The following BCR variants were observed in gnomAD, a reference collection of about 807,000 sequenced individuals.
BCR encodes breakpoint cluster region protein.
In BCR, 58 loss-of-function variants were observed where a neutral mutation model predicts 138.6. The observed-to-expected ratio is 0.42, with a 90% CI of 0.34 to 0.52. The LOEUF is 0.52. BCR is among the 20% of genes least tolerant of loss of function. The probability of loss-of-function intolerance (pLI) is 0.06; values close to 1 mark genes in which losing one functional copy is unlikely to be tolerated. For missense variants in BCR, 1,599 were observed against 1,727.2 expected (o/e 0.93, Z 1.32); for synonymous variants, 786 against 730.1 (o/e 1.08, Z -1.23).
chr22:23,262,997 C>T (rs376163728), intron 4 of BCR: 18 of 861,086 alleles, frequency 2.1e-5, no homozygotes, highest in Admixed American at 3.8e-5. Flanking sequence ...GCGTAGGGGC[C>T]GGGAAAGAGG....
intron 1 of BCR, among the ~76,000 whole-genome samples, chr22:23,192,471 G>A (rs994504902): frequency 1.3e-5 from 2 of 152,258 alleles, no homozygotes; most frequent in Non-Finnish European, 2.9e-5. Context: ...CAGCAGGTCG[G>A]CTTTGGTCTG....
chr22:23,263,657 G>GAGATGGGA, intron 4 of BCR: 1 of 1,451,108 alleles, frequency 6.9e-7, no homozygotes, highest in Non-Finnish European at 9.7e-7. Context: ...AGTGCAGGAG[G>GAGATGGGA]AGATGGGAAG....
intron 1 of BCR, among the ~76,000 whole-genome samples, chr22:23,238,602 C>G (rs1984306032): frequency 6.6e-6 from 1 of 152,248 alleles, no homozygotes. Flanking sequence ...CTTGCAGAGG[C>G]CTGGGGATTC....
In BCR at chr22:23,181,485, C is replaced by A; in HGVS notation, c.525C>A (p.Pro175=). 1 of 1,611,830 alleles carries A rather than the reference C, an allele frequency of 6.2e-7. No homozygotes were observed. Among genetic ancestry groups the A allele is most frequent in the Non-Finnish European group, 8.5e-7 (1 of 1,179,112 alleles). Residue 175 remains proline (P), a synonymous_variant, in exon 1 of 23, where the codon CCC becomes CCA. Coordinates refer to ENST00000305877, the MANE Select transcript of BCR (RefSeq NM_004327.4). The part of the protein sequence containing the change: ...HGQPGADAEK[P]FYVNVEFHHE... Reference sequence around the variant, plus strand: ...AGCCCGGGGCGGACGCCGAGAAGCCCTTCTACGTGAACGTCGAGTTTCACC... The same window carrying A: ...AGCCCGGGGCGGACGCCGAGAAGCCATTCTACGTGAACGTCGAGTTTCACC...
At chr22:23,200,593 T>C (rs1043137810) in intron 1 of BCR, among the ~76,000 whole-genome samples, 1 of 152,186 alleles carries the variant, frequency 6.6e-6, no homozygotes, top group African/African-American at 2.4e-5. Flanking sequence ...GGTCTCACTC[T>C]GTCGCCCAGG....
intron 5 of BCR, 137 bp from the exon 6 acceptor site, chr22:23,271,395 G>A: frequency 1.2e-6 from 1 of 863,632 alleles, no homozygotes; most frequent in South Asian, 1.6e-5. Context: ...CACACCCTGT[G>A]ACTTCATTAT....
chr22:23,226,239 C>T (rs2072891389), intron 1 of BCR, among the ~76,000 whole-genome samples: 1 of 152,122 alleles, frequency 6.6e-6, no homozygotes, highest in African/African-American at 2.4e-5. Flanking sequence ...TGTGAGCTTT[C>T]CCGTCAGAAA....
At chr22:23,215,006 G>GC (rs1373627989) in intron 1 of BCR, among the ~76,000 whole-genome samples, 7 of 152,018 alleles carry the variant, frequency 4.6e-5, no homozygotes, top group Non-Finnish European at 8.8e-5. Flanking sequence ...TCCTCCCTCA[G>GC]CCCCTGGCCA....
intron 15 of BCR, among the ~76,000 whole-genome samples, 163 bp from the exon 16 acceptor site, chr22:23,294,861 A>G (rs1335834866): frequency 6.6e-6 from 1 of 152,174 alleles, no homozygotes; most frequent in Admixed American, 6.5e-5. Flanking sequence ...GGTGCTTACA[A>G]GGAATACTTC....
chr22:23,262,717 G>A (rs1289832969), intron 4 of BCR: 2 of 802,680 alleles, frequency 2.5e-6, no homozygotes, highest in African/African-American at 1.9e-5. Context: ...GGGCGGGCCC[G>A]GGTGAGGGCG....
At chr22:23,273,846 G>A in intron 8 of BCR, 72 bp downstream of exon 8, 1 of 1,590,614 alleles carries the variant, frequency 6.3e-7, no homozygotes, top group Non-Finnish European at 8.6e-7. Context: ...CCCTCGATCT[G>A]AGGTCTGGAG....
intron 2 of BCR, among the ~76,000 whole-genome samples, 165 bp downstream of exon 2, chr22:23,254,145 C>T (rs2073266318): frequency 6.6e-6 from 1 of 152,196 alleles, no homozygotes; most frequent in Non-Finnish European, 1.5e-5. Context: ...GGTACACAGA[C>T]AGCCTGCCAG....
chr22:23,298,970 G>C (rs1240829415), intron 16 of BCR, among the ~76,000 whole-genome samples: 5 of 152,046 alleles, frequency 3.3e-5, no homozygotes, highest in Non-Finnish European at 7.4e-5. Context: ...TGCTGCAACA[G>C]ACCCCCTGGG....
chr22:23,274,661 G>C (rs907368613), intron 8 of BCR, among the ~76,000 whole-genome samples: 1 of 152,134 alleles, frequency 6.6e-6, no homozygotes, highest in African/African-American at 2.4e-5. Context: ...TGTAATCCTA[G>C]CACTTTGGGA....
At chr22:23,228,818 A>C (rs1602038972) in intron 1 of BCR, among the ~76,000 whole-genome samples, 2 of 151,544 alleles carry the variant, frequency 1.3e-5, no homozygotes, top group African/African-American at 4.8e-5. Flanking sequence ...TGCTTTTATT[A>C]TGATATGTCT....
rs538781432 is a variant in BCR at position 23,293,747 on chromosome 22, C to T, written c.2880+1109C>T. On this transcript the variant is annotated intron_variant, in intron 15 of 22. Transcript: ENST00000305877. The stretch of plus-strand genomic sequence containing the variant: ...ATTGTAGCAGGTCACGTCCACCACC[C>T]TCACTGTCCATGAAGATCTGGACTT... 7.2e-5 allele frequency among the ~76,000 whole-genome samples: 11 copies of T among 152,272 alleles called. No individual in the cohort carries two copies. The South Asian group carries it at 2.1e-3, about 29-fold the overall frequency.
intron 10 of BCR, 22 bp downstream of exon 10, chr22:23,285,223 G>C: frequency 6.2e-7 from 1 of 1,600,570 alleles, no homozygotes; most frequent in Non-Finnish European, 8.5e-7. Context: ...GGGAGCAAGG[G>C]CCGGGTTTGG....
At chr22:23,287,376 C>G (rs1382457793) in intron 11 of BCR, 98 bp downstream of exon 11, 3 of 1,429,912 alleles carry the variant, frequency 2.1e-6, no homozygotes, top group Non-Finnish European at 1.8e-6. Context: ...GCGCCCCACT[C>G]TGAGAGAGGC....
At chr22:23,271,628 G>A (rs759854008) in intron 6 of BCR, 36 bp downstream of exon 6, 19 of 1,601,044 alleles carry the variant, frequency 1.2e-5, no homozygotes, top group East Asian at 6.7e-5. Flanking sequence ...GTGTGCCCTC[G>A]TCAGGGAGGC....
Sources: allele counts gnomAD v4.1 joint callset (sites outside exome capture counted in the v4.1 genomes callset), GRCh38; gene constraint gnomAD v4.1.1; transcripts MANE v1.5; gene names NCBI Gene and HGNC (gene_info 2026-07-23, HGNC 2026-07-21).